Variants in MACROD2 observed in about 807,000 individuals in gnomAD.
The protein encoded by MACROD2 is mono-ADP ribosylhydrolase 2.
In MACROD2, 36 loss-of-function variants were observed where a neutral mutation model predicts 70.4. That is an observed-to-expected ratio of 0.51 (90% CI 0.39 to 0.68). MACROD2 has a LOEUF of 0.68. MACROD2 is among the 30% of genes least tolerant of loss of function. MACROD2 has a pLI of 0.00. For synonymous variants in MACROD2, 172 were observed against 178.8 expected, an observed-to-expected ratio of 0.96 and a Z score of 0.30; for missense variants, 496 against 538.4, an observed-to-expected ratio of 0.92 and a Z score of 0.78.
At chr20:15,529,779 G>A (rs930101378) in intron 8 of MACROD2, among the ~76,000 whole-genome samples, 1 of 152,102 alleles carries the variant, frequency 6.6e-6, no homozygotes, top group Non-Finnish European at 1.5e-5. Flanking sequence ...ACCTTTGACC[G>A]ATTATGTTGA....
chr20:14,468,663 C>G (rs2084488961), intron 3 of MACROD2, among the ~76,000 whole-genome samples: 1 of 151,984 alleles, frequency 6.6e-6, no homozygotes, highest in Admixed American at 6.6e-5. Flanking sequence ...AGGCACATGC[C>G]ACCACACTTG....
At chr20:14,690,115 T>A (rs998841569) in intron 5 of MACROD2, among the ~76,000 whole-genome samples, 2 of 152,090 alleles carry the variant, frequency 1.3e-5, no homozygotes, top group Non-Finnish European at 2.9e-5. Flanking sequence ...CATATCACCC[T>A]TATTTGATGG....
chr20:14,541,334 A>G (rs2085429341), intron 4 of MACROD2, among the ~76,000 whole-genome samples: 1 of 152,054 alleles, frequency 6.6e-6, no homozygotes, highest in African/African-American at 2.4e-5. Flanking sequence ...TCCCCAGGAT[A>G]TTTTTAGTGC....
At chr20:14,614,436 C>T (rs1024435554) in intron 4 of MACROD2, among the ~76,000 whole-genome samples, 3 of 152,020 alleles carry the variant, frequency 2.0e-5, no homozygotes, top group African/African-American at 4.8e-5. Context: ...GTACTGGGAG[C>T]AATTGAAATT....
At chr20:14,424,898 G>T (rs2083916797) in intron 3 of MACROD2, among the ~76,000 whole-genome samples, 1 of 152,160 alleles carries the variant, frequency 6.6e-6, no homozygotes, top group South Asian at 2.1e-4. Context: ...AATATTTAAT[G>T]AAAGTCCAAG....
At chr20:14,796,016 A>T (rs947927795) in intron 5 of MACROD2, among the ~76,000 whole-genome samples, 12 of 152,114 alleles carry the variant, frequency 7.9e-5, no homozygotes, top group Non-Finnish European at 1.8e-4. Context: ...CCTTGACATG[A>T]ACAGTTCCAC....
At chr20:15,019,790 T>C (rs2075150295) in intron 5 of MACROD2, among the ~76,000 whole-genome samples, 1 of 152,206 alleles carries the variant, frequency 6.6e-6, no homozygotes, top group East Asian at 1.9e-4. Context: ...GGGCCAAGAA[T>C]AAGTATTTTA....
rs528090826 is a variant in MACROD2, at chr20:15,875,155, C to G, written c.728-10609C>G. 1.1e-4 allele frequency among the ~76,000 whole-genome samples: 16 copies of G among 152,250 alleles called. No individual in the cohort carries two copies. The South Asian group carries it at 3.3e-3, about 32-fold the overall frequency. On this transcript the variant is annotated intron_variant, in intron 9 of 17. Transcript: ENST00000684519. ...CTGATATGTTGATTTTAGTCTAGTT[C>G]AACCCATTTGGGACTTCCAATGTAC...
chr20:15,047,466 G>A (rs1387289295), intron 5 of MACROD2, among the ~76,000 whole-genome samples: 1 of 152,116 alleles, frequency 6.6e-6, no homozygotes, highest in Non-Finnish European at 1.5e-5. Context: ...ATAAAAATTA[G>A]TATGATACAC....
chr20:15,603,091 TAATA>T (rs1436221683), intron 8 of MACROD2, among the ~76,000 whole-genome samples: 1 of 152,166 alleles, frequency 6.6e-6, no homozygotes, highest in East Asian at 1.9e-4. Flanking sequence ...TGAAGCACAA[TAATA>T]AATATGACTA....
At chr20:15,172,792 A>G (rs958405215) in intron 5 of MACROD2, among the ~76,000 whole-genome samples, 1 of 152,174 alleles carries the variant, frequency 6.6e-6, no homozygotes, top group Non-Finnish European at 1.5e-5. Context: ...ATTATCAGCA[A>G]TTTATTAGCA....
chr20:14,344,817 C>A (rs142533743), intron 3 of MACROD2, among the ~76,000 whole-genome samples: 1 of 152,116 alleles, frequency 6.6e-6, no homozygotes, highest in African/African-American at 2.4e-5. Flanking sequence ...ATTCAAGGAG[C>A]TTTTTGGTTG....
chr20:15,009,459 A>G (rs1372815156), intron 5 of MACROD2, among the ~76,000 whole-genome samples: 1 of 152,154 alleles, frequency 6.6e-6, no homozygotes, highest in Non-Finnish European at 1.5e-5. Flanking sequence ...AAGCAAACTC[A>G]TCATCACTCC....
intron 15 of MACROD2, among the ~76,000 whole-genome samples, chr20:16,013,515 A>G (rs2066891275): frequency 2.0e-5 from 3 of 152,180 alleles, no homozygotes; most frequent in Non-Finnish European, 4.4e-5. Context: ...GTTTGGGAGA[A>G]CACCTCCAGT....
chr20:14,465,041 T>C (rs1439305674), intron 3 of MACROD2, among the ~76,000 whole-genome samples: 2 of 152,086 alleles, frequency 1.3e-5, no homozygotes, highest in African/African-American at 4.8e-5. Flanking sequence ...TCTGTAGATG[T>C]CTATTAGGCC....
chr20:15,534,228 C>T (rs1411255488), intron 8 of MACROD2, among the ~76,000 whole-genome samples: 1 of 152,158 alleles, frequency 6.6e-6, no homozygotes, highest in East Asian at 1.9e-4. Context: ...GTGTTTGCTA[C>T]ATGTAGACAC....
chr20:15,474,849 A>G (rs2047001369), intron 7 of MACROD2, among the ~76,000 whole-genome samples: 1 of 151,868 alleles, frequency 6.6e-6, no homozygotes, highest in Non-Finnish European at 1.5e-5. Context: ...ACTTAGCACA[A>G]CCTGCATGGA....
At chr20:15,028,789 A>G (rs1365137855) in intron 5 of MACROD2, among the ~76,000 whole-genome samples, 1 of 152,196 alleles carries the variant, frequency 6.6e-6, no homozygotes, top group Non-Finnish European at 1.5e-5. Flanking sequence ...TACTGGATAC[A>G]TGGAGGTCAG....
intron 8 of MACROD2, among the ~76,000 whole-genome samples, chr20:15,759,596 T>A (rs2051405018): frequency 6.6e-6 from 1 of 152,200 alleles, no homozygotes. Flanking sequence ...GCAACAAATG[T>A]GTCCATTTGC....
Sources: gnomAD v4.1 joint callset for allele counts (sites outside exome capture counted in the v4.1 genomes callset) on GRCh38, gnomAD v4.1.1 for gene constraint, MANE v1.5 for transcripts, NCBI Gene and HGNC (gene_info 2026-07-23, HGNC 2026-07-21) for gene names.